The following CLCN6 variants were observed in gnomAD, a reference collection of about 807,000 sequenced individuals.
The protein encoded by CLCN6 is Cl-/H+ antiporter 6, also known as H(+)/Cl(-) exchange transporter 6.
In CLCN6, 70 loss-of-function variants were observed where a neutral mutation model predicts 109.8. The observed-to-expected ratio is 0.64, with a 90% confidence interval of 0.53 to 0.78. The LOEUF (loss-of-function observed/expected upper bound fraction) is 0.78. Among genes scored for constraint, CLCN6 ranks in the 30% least tolerant of loss-of-function variants. The pLI is 0.00. For missense variants in CLCN6, 984 were observed against 1,142.3 expected, an observed-to-expected ratio of 0.86 and a Z score of 2.00; for synonymous variants, 444 against 447.8, an observed-to-expected ratio of 0.99 and a Z score of 0.11.
chr1:11,810,374 C>G (rs1258853888), intron 2 of CLCN6, among the ~76,000 whole-genome samples: 1 of 152,138 alleles, frequency 6.6e-6, no homozygotes, highest in Non-Finnish European at 1.5e-5. Context: ...TTATATTGTA[C>G]CTTTGAATTA....
rs751318621 is a variant in CLCN6, at chr1:11,834,617, T to G, written c.1793+27T>G. 19 of 1,579,708 alleles carry G rather than the reference T, an allele frequency of 1.2e-5. No individual in the cohort carries two copies. The South Asian group carries it at 2.1e-4, about 17-fold the overall frequency. ...TAAGGCCATGATTTTGCTCATGTCCTAGTTTCAGAATGTATAAGCTCTGAG... is the reference window on the plus strand; with the variant it reads ...TAAGGCCATGATTTTGCTCATGTCCGAGTTTCAGAATGTATAAGCTCTGAG... On this transcript the variant is annotated intron_variant, in intron 17 of 22. Coordinates refer to ENST00000346436, the MANE Select transcript of CLCN6 (RefSeq NM_001286.5). The surrounding 1 kb of genome is among the most constrained non-coding windows in gnomAD (Gnocchi z 4.5).
At position 11,809,720 on chromosome 1, in the gene CLCN6, A is replaced by G. The variant is rs1644573582; in HGVS notation, c.147+2530A>G. On this transcript the variant is annotated intron_variant, in intron 2 of 22. Transcript: ENST00000346436. ...TGATCCACCCACCTCAGCCTCCCAAAGTACTGGGATTACAAGCGTGAGCCA... is the reference window on the plus strand; with the variant it reads ...TGATCCACCCACCTCAGCCTCCCAAGGTACTGGGATTACAAGCGTGAGCCA... 2.6e-5 allele frequency among the ~76,000 whole-genome samples: 4 copies of G among 152,176 alleles called. No homozygotes were observed. In the South Asian group the frequency reaches 8.3e-4, roughly 32 times the overall value.
In CLCN6 at chr1:11,829,444, A is replaced by C. The variant is rs78352647; in HGVS notation, c.1248+122A>C. Reference sequence around the variant, plus strand: ...TTCATCCTTCCACACCCATTACCTGAGCGTTGAGAGATATGGGAATCTGTA... The same window carrying C: ...TTCATCCTTCCACACCCATTACCTGCGCGTTGAGAGATATGGGAATCTGTA... On this transcript the variant is annotated intron_variant, in intron 13 of 22. Coordinates refer to ENST00000346436, the MANE Select transcript of CLCN6 (RefSeq NM_001286.5). 4.8e-3 allele frequency: 5,461 copies of C among 1,143,974 alleles called. 25 individuals carry two copies. The highest frequency in any genetic ancestry group is 5.5e-3 in the Non-Finnish European group (4,321 of 788,456). 70.9% of individuals were successfully genotyped at this position (1,143,974 alleles called of 1,614,324 possible). A position where few individuals can be genotyped will look rare whatever the true frequency, so the allele number is the denominator to read the frequency against.
At chr1:11,825,854 C>T (rs895321516) in intron 8 of CLCN6, among the ~76,000 whole-genome samples, 1 of 152,212 alleles carries the variant, frequency 6.6e-6, no homozygotes, top group Non-Finnish European at 1.5e-5. Flanking sequence ...AACTCCTGAC[C>T]TTAGGTAATC....
intron 4 of CLCN6, among the ~76,000 whole-genome samples, chr1:11,816,886 C>T (rs1644680433): frequency 6.6e-6 from 1 of 151,390 alleles, no homozygotes; most frequent in Admixed American, 6.6e-5. Context: ...CAGTTTTTCA[C>T]ACTTCCCCTG....
chr1:11,828,206 T>G lies in CLCN6; in HGVS notation c.941T>G (p.Phe314Cys). ...GSFQLPGLLN[F>C]GEFKCSDSDK... Reference sequence around the variant, plus strand: ...TTCCAGCTCCCTGGATTGCTGAACTTTGGCGAGTTTAAGGTATGTTTTGTC... The same window carrying G: ...TTCCAGCTCCCTGGATTGCTGAACTGTGGCGAGTTTAAGGTATGTTTTGTC... The change falls in exon 11 of 23, where the codon TTT becomes TGT. Residue 314 changes from phenylalanine (F) to cysteine (C), a missense_variant. Coordinates refer to ENST00000346436, the MANE Select transcript of CLCN6 (RefSeq NM_001286.5). The G allele has an allele frequency of 1.2e-6, 2 of 1,613,834 alleles. No individual in the cohort carries two copies. Among genetic ancestry groups the G allele is most frequent in the Non-Finnish European group, 8.5e-7 (1 of 1,179,686 alleles).
chr1:11,840,292 G>A lies in CLCN6; in HGVS notation c.*69G>A, dbSNP rs1171780442. On this transcript the variant is annotated 3_prime_UTR_variant, in exon 23 of 23. Transcript: ENST00000346436. Reference sequence around the variant, plus strand: ...CATGCTCACTCCGGCGGGCACAGCTGGCTGGGGCTGTTCCGGGGCATGGAA... The same window carrying A: ...CATGCTCACTCCGGCGGGCACAGCTAGCTGGGGCTGTTCCGGGGCATGGAA... 5.9e-6 allele frequency: 8 copies of A among 1,348,482 alleles called. No individual in the cohort carries two copies. The highest frequency in any genetic ancestry group is 1.4e-5 in the African/African-American group (1 of 69,858). The allele number at this position is 1,348,482 out of a possible 1,614,324, so 83.5% of individuals were successfully genotyped here.
Position 11,840,401 on chromosome 1 carries a change from A to T in CLCN6, c.*178A>T, listed in dbSNP as rs1368364277. On this transcript the variant is annotated 3_prime_UTR_variant, in exon 23 of 23. Coordinates refer to ENST00000346436, the MANE Select transcript of CLCN6 (RefSeq NM_001286.5). The stretch of plus-strand genomic sequence containing the variant: ...GAGGTCCTGGGGGTGGTTTTGAACC[A>T]TCAGAGCTTGGACTTTTCTGACTTC... 3 of 636,540 alleles carry T rather than the reference A, an allele frequency of 4.7e-6. No homozygotes were observed. The highest frequency in any genetic ancestry group is 1.8e-5 in the South Asian group (1 of 56,602). The allele number at this position is 636,540 out of a possible 1,614,324, so 39.4% of individuals were successfully genotyped here.
At chr1:11,810,787 G>T (rs1292865629) in intron 2 of CLCN6, among the ~76,000 whole-genome samples, 1 of 151,984 alleles carries the variant, frequency 6.6e-6, no homozygotes, top group African/African-American at 2.4e-5. Context: ...AAAAAGAAGC[G>T]TGGCACAGTG....
chr1:11,833,840 T>G, intron 14 of CLCN6, 37 bp from the exon 15 acceptor site: 2 of 1,591,908 alleles, frequency 1.3e-6, no homozygotes, highest in Middle Eastern at 1.7e-4. Context: ...TTGGCAGGCA[T>G]CCGGTAGTGG....
intron 22 of CLCN6, among the ~76,000 whole-genome samples, chr1:11,839,278 T>C (rs79834211): frequency 6.6e-6 from 1 of 152,206 alleles, no homozygotes; most frequent in Non-Finnish European, 1.5e-5. Flanking sequence ...TGTTGTTGTT[T>C]TGAGACAGGG....
rs747155715 is a variant in CLCN6, at chr1:11,840,552, C to T, written c.*329C>T. 44 of 422,184 alleles carry T rather than the reference C, an allele frequency of 1.0e-4. No homozygotes were observed. Among genetic ancestry groups the T allele is most frequent in the Non-Finnish European group, 1.3e-4 (30 of 225,810 alleles). 26.2% of individuals were successfully genotyped at this position (422,184 alleles called of 1,614,324 possible). ...ATCAGGCGGGCCCCGGGCTGCACTC[C>T]GAGCAGTGTTCCTGGCCATCTTTGC... is the stretch of plus-strand genomic sequence containing the variant. On this transcript the variant is annotated 3_prime_UTR_variant, in exon 23 of 23. Coordinates refer to ENST00000346436, the MANE Select transcript of CLCN6 (RefSeq NM_001286.5).
chr1:11,826,967 T>C (rs557747116), intron 9 of CLCN6, 122 bp from the exon 10 acceptor site: 180 of 1,295,592 alleles, frequency 1.4e-4, no homozygotes, highest in Non-Finnish European at 1.8e-4. Context: ...TGACCTGCCC[T>C]TCCAGGATCC....
chr1:11,835,874 G>C, intron 17 of CLCN6, 93 bp from the exon 18 acceptor site: 16 of 1,010,626 alleles, frequency 1.6e-5, no homozygotes, highest in East Asian at 7.9e-5. Flanking sequence ...CACCCCGCCC[G>C]TGGTCTGAGC....
intron 4 of CLCN6, among the ~76,000 whole-genome samples, chr1:11,817,314 CA>C (rs1644686343): frequency 6.6e-6 from 1 of 152,180 alleles, no homozygotes; most frequent in African/African-American, 2.4e-5. Context: ...TCATTTAGCA[CA>C]GCGTGCCAGT....
At chr1:11,815,737 A>G (rs1644661097) in intron 2 of CLCN6, 109 bp from the exon 3 acceptor site, 2 of 791,918 alleles carry the variant, frequency 2.5e-6, no homozygotes, top group Non-Finnish European at 4.3e-6. Context: ...TGCTGCAGGT[A>G]CCACTGCTCT....
Position 11,837,364 on chromosome 1 carries a change from A to G in CLCN6, c.2160A>G (p.Leu720=), listed in dbSNP as rs1644963854. 3.7e-6 allele frequency: 6 copies of G among 1,613,256 alleles called. No individual in the cohort carries two copies. Among genetic ancestry groups the G allele is most frequent in the East Asian group, 2.2e-5 (1 of 44,848 alleles). ...ACAGATACACTCCCTACCCCAACCT[A>G]TACCCTGACCAGTCCCCAAGTGAAG... ...LERRYTPYPN[L]YPDQSPSEDW... Residue 720 remains leucine (L), a synonymous_variant, in exon 20 of 23, where the codon CTA becomes CTG. Coordinates refer to ENST00000346436, the MANE Select transcript of CLCN6 (RefSeq NM_001286.5).
chr1:11,839,344 C>T (rs1187486847), intron 22 of CLCN6, among the ~76,000 whole-genome samples: 1 of 152,176 alleles, frequency 6.6e-6, no homozygotes, highest in Non-Finnish European at 1.5e-5. Flanking sequence ...TCACTGCAGC[C>T]TCGACCTTCC....
chr1:11,838,900 C>T, intron 22 of CLCN6: 1 of 721,616 alleles, frequency 1.4e-6, no homozygotes. Flanking sequence ...GCGCCTCTAC[C>T]AGGCTGTGTC....
Sources: allele counts gnomAD v4.1 joint callset (sites outside exome capture counted in the v4.1 genomes callset), GRCh38; gene constraint gnomAD v4.1.1; non-coding constraint Gnocchi (gnomAD v3.1); transcripts MANE v1.5; gene names NCBI Gene and HGNC (gene_info 2026-07-23, HGNC 2026-07-21).